The following ITCH variants were observed in gnomAD, a reference collection of about 807,000 sequenced individuals.
The protein encoded by ITCH is itchy E3 ubiquitin protein ligase.
ITCH carries 28 observed loss-of-function variants against 126.8 expected under a neutral mutation model. That is an observed-to-expected ratio of 0.22 (90% CI 0.16 to 0.30). The LOEUF is 0.30. Ranked by LOEUF, ITCH falls within the 10% of genes least tolerant of loss-of-function variation. ITCH has a pLI of 1.00. For missense variants in ITCH, 631 were observed against 1,032.4 expected, an observed-to-expected ratio of 0.61 and a Z score of 5.33; for synonymous variants, 342 against 340.0, an observed-to-expected ratio of 1.01 and a Z score of -0.06.
chr20:34,436,844 G>A (rs1288639463), intron 7 of ITCH, among the ~76,000 whole-genome samples: 1 of 152,158 alleles, frequency 6.6e-6, no homozygotes, highest in Non-Finnish European at 1.5e-5. Flanking sequence ...AAAATATGAG[G>A]ACTGGTACGC....
intron 12 of ITCH, among the ~76,000 whole-genome samples, chr20:34,451,933 G>A (rs1985306538): frequency 1.3e-5 from 2 of 151,938 alleles, no homozygotes; most frequent in South Asian, 4.2e-4. Flanking sequence ...ATCTGGGTGT[G>A]GTGGAACACC....
chr20:34,419,063 G>T (rs1980382900), intron 6 of ITCH, among the ~76,000 whole-genome samples: 1 of 152,056 alleles, frequency 6.6e-6, no homozygotes, highest in Non-Finnish European at 1.5e-5. Flanking sequence ...GCGCCCAGCT[G>T]TAAAACTCCT....
intron 12 of ITCH, among the ~76,000 whole-genome samples, chr20:34,455,072 C>T (rs757878833): frequency 3.9e-5 from 6 of 152,076 alleles, no homozygotes; most frequent in African/African-American, 7.2e-5. Context: ...TCAGGCCATC[C>T]GCCTGCCTTA....
chr20:34,448,010 A>G (rs1225539264), intron 11 of ITCH, among the ~76,000 whole-genome samples: 4 of 152,218 alleles, frequency 2.6e-5, no homozygotes, highest in East Asian at 1.9e-4. Flanking sequence ...CAAATAAGCA[A>G]TCATGCATTT....
intron 2 of ITCH, among the ~76,000 whole-genome samples, chr20:34,375,580 A>G (rs1248395423): frequency 6.6e-6 from 1 of 151,726 alleles, no homozygotes; most frequent in Non-Finnish European, 1.5e-5. Flanking sequence ...TTTTATTTCA[A>G]TAAATAAATA....
intron 7 of ITCH, among the ~76,000 whole-genome samples, chr20:34,429,447 A>C (rs968025750): frequency 2.0e-5 from 3 of 152,188 alleles, no homozygotes; most frequent in Non-Finnish European, 4.4e-5. Flanking sequence ...AGCACATTAG[A>C]ATCACCTGGT....
intron 4 of ITCH, among the ~76,000 whole-genome samples, chr20:34,411,335 G>C (rs568543881): frequency 2.6e-5 from 4 of 152,176 alleles, no homozygotes; most frequent in South Asian, 2.1e-4. Context: ...TGTAATTTTA[G>C]TAGAGACGGG....
chr20:34,413,685 A>G, intron 5 of ITCH, 57 bp from the exon 6 acceptor site: 1 of 1,517,324 alleles, frequency 6.6e-7, no homozygotes, highest in South Asian at 1.2e-5. Flanking sequence ...TTAACAGTTA[A>G]GATGCCTTAA....
intron 24 of ITCH, among the ~76,000 whole-genome samples, chr20:34,506,392 A>G (rs1047673529): frequency 3.3e-5 from 5 of 152,200 alleles, no homozygotes; most frequent in African/African-American, 1.2e-4. Context: ...TTGAAATGGT[A>G]CCCATTAAAG....
In ITCH at chr20:34,510,818, T is replaced by A. The variant is rs1978719313; in HGVS notation, c.*3024T>A. The A allele has an allele frequency of 6.6e-6, 1 of 151,970 alleles. No homozygotes were observed. Among genetic ancestry groups the A allele is most frequent in the African/African-American group, 2.4e-5 (1 of 41,368 alleles). The allele number at this position is 151,970 out of a possible 1,614,324, so 9.4% of individuals were successfully genotyped here. On this transcript the variant is annotated 3_prime_UTR_variant, in exon 25 of 25. Transcript: ENST00000374864. ...GGCAACATAGCAAGACCCTGTCTCTTAAAAAAACAAAAAGACATATTCAGG... is the reference window on the plus strand; with the variant it reads ...GGCAACATAGCAAGACCCTGTCTCTAAAAAAAACAAAAAGACATATTCAGG...
chr20:34,413,962 AT>A (rs978432564), intron 6 of ITCH, 83 bp downstream of exon 6: 954 of 1,144,888 alleles, frequency 8.3e-4, no homozygotes, highest in Non-Finnish European at 9.2e-4. Context: ...AATTATTTTG[AT>A]TTTTTTTTTC....
At position 34,372,529 on chromosome 20, in the gene ITCH, C is replaced by T. The variant is rs558717178; in HGVS notation, c.-22+3059C>T. The stretch of plus-strand genomic sequence containing the variant: ...CTGAGTAGCTGGGATTACAGGCACC[C>T]GCCACCATGCCTGGCTAATTTTTTG... On this transcript the variant is annotated intron_variant, in intron 2 of 24. Transcript: ENST00000374864. Among the ~76,000 whole-genome samples, 83 of 150,600 alleles carry T rather than the reference C, an allele frequency of 5.5e-4. 1 individual carries two copies. The highest frequency in any genetic ancestry group is 2.2e-4 in the Non-Finnish European group (15 of 67,570).
intron 7 of ITCH, among the ~76,000 whole-genome samples, chr20:34,433,978 T>TA (rs1361218278): frequency 6.6e-6 from 1 of 152,086 alleles, no homozygotes; most frequent in Non-Finnish European, 1.5e-5. Flanking sequence ...AAGTCTGTTT[T>TA]AAAAATTAAA....
chr20:34,439,148 A>G (rs1409373796), intron 8 of ITCH, among the ~76,000 whole-genome samples: 1 of 152,194 alleles, frequency 6.6e-6, no homozygotes, highest in Non-Finnish European at 1.5e-5. Context: ...CTTACCTTTT[A>G]TTGTTTCTCT....
chr20:34,452,834 A>G (rs1464436172), intron 12 of ITCH, among the ~76,000 whole-genome samples: 3 of 152,236 alleles, frequency 2.0e-5, no homozygotes, highest in Non-Finnish European at 4.4e-5. Context: ...CACGATGCCT[A>G]GCTAGGCAGT....
intron 23 of ITCH, among the ~76,000 whole-genome samples, chr20:34,496,680 GTCAT>G (rs528748535): frequency 8.1e-4 from 123 of 151,776 alleles, no homozygotes; most frequent in African/African-American, 2.7e-3. Flanking sequence ...GCGCGTGCCT[GTCAT>G]CCCAACTACT....
At chr20:34,502,916 G>A (rs540840026) in intron 23 of ITCH, among the ~76,000 whole-genome samples, 4 of 152,200 alleles carry the variant, frequency 2.6e-5, no homozygotes, top group African/African-American at 9.6e-5. Context: ...CTACTCTAAG[G>A]CATGAGAATT....
chr20:34,462,372 T>C, intron 14 of ITCH, 151 bp downstream of exon 14: 1 of 780,864 alleles, frequency 1.3e-6, no homozygotes, highest in Non-Finnish European at 2.1e-6. Flanking sequence ...TGCATTTCCA[T>C]CTCCCTCTTG....
rs140917645 is a variant in ITCH at position 34,434,645 on chromosome 20, A to G, written c.522-3829A>G. Among the ~76,000 whole-genome samples the G allele has an allele frequency of 4.7e-3, 711 of 152,220 alleles. 3 individuals are homozygous for G. Among genetic ancestry groups the G allele is most frequent in the Non-Finnish European group, 6.5e-3 (443 of 68,004 alleles). On this transcript the variant is annotated intron_variant, in intron 7 of 24. Transcript: ENST00000374864. ...TAGTGGCACAGAGAAATTTTAAGGT[A>G]TGGGAGAAAGTTGAGGGATAGCAGA...
Sources: allele counts gnomAD v4.1 joint callset (sites outside exome capture counted in the v4.1 genomes callset), GRCh38; gene constraint gnomAD v4.1.1; transcripts MANE v1.5; gene names NCBI Gene and HGNC (gene_info 2026-07-23, HGNC 2026-07-21).